The following DHDDS variants were observed in gnomAD, a reference collection of about 807,000 sequenced individuals.
DHDDS encodes the protein dehydrodolichyl diphosphate synthase subunit, also known as dehydrodolichyl diphosphate synthase complex subunit DHDDS.
DHDDS carries 16 observed loss-of-function variants against 46.2 expected under a neutral mutation model. The observed-to-expected ratio is 0.35, with a 90% CI of 0.23 to 0.53. DHDDS has a LOEUF of 0.53. DHDDS is among the 20% of genes least tolerant of loss of function. DHDDS has a pLI of 0.94. For synonymous variants in DHDDS, 151 were observed against 163.1 expected (o/e 0.93, Z 0.56); for missense variants, 340 against 423.7 (o/e 0.80, Z 1.73).
intron 6 of DHDDS, among the ~76,000 whole-genome samples, chr1:26,450,873 T>C (rs1187685219): frequency 1.3e-5 from 2 of 152,202 alleles, no homozygotes; most frequent in African/African-American, 4.8e-5. Flanking sequence ...ATAATGAATA[T>C]GTTTCAAATA....
intron 6 of DHDDS, among the ~76,000 whole-genome samples, chr1:26,456,473 AC>A (rs1382461507): frequency 6.6e-6 from 1 of 151,678 alleles, no homozygotes; most frequent in Non-Finnish European, 1.5e-5. Context: ...GCTTACTGTA[AC>A]CTCCACCTCC....
chr1:26,432,960 G>C lies in DHDDS; in HGVS notation c.15G>C (p.Lys5Asn), dbSNP rs2075118460. 4 of 1,614,206 alleles carry C rather than the reference G, an allele frequency of 2.5e-6. No individual in the cohort carries two copies. Among genetic ancestry groups the C allele is most frequent in the Non-Finnish European group, 3.4e-6 (4 of 1,180,038 alleles). Residue 5 changes from lysine (K) to asparagine (N), a missense_variant, in exon 2 of 9, where the codon AAG becomes AAC. Lys to Asn is a moderately conservative substitution (Grantham distance 94). This residue lies in a region of DHDDS where 72 missense variants were observed against 123.5 expected (regional missense o/e 0.58). Transcript: ENST00000236342. The stretch of plus-strand genomic sequence containing the variant: ...GGAAAAGAACTATGTCATGGATCAA[G>C]GAAGGAGAGCTGTCACTTTGGGAGC... The part of the protein sequence containing the change: MSWI[K>N]EGELSLWERF...
intron 6 of DHDDS, among the ~76,000 whole-genome samples, chr1:26,457,524 C>CA (rs1441999551): frequency 2.9e-5 from 3 of 102,964 alleles, no homozygotes; most frequent in Non-Finnish European, 6.3e-5. Context: ...TCAAAAAAGG[C>CA]AAAAAATAAA....
intron 3 of DHDDS, among the ~76,000 whole-genome samples, chr1:26,442,138 A>C (rs2075224845): frequency 6.6e-6 from 1 of 152,240 alleles, no homozygotes; most frequent in Non-Finnish European, 1.5e-5. Context: ...TAAAGTAGGC[A>C]TGAAAACAGT....
intron 2 of DHDDS, among the ~76,000 whole-genome samples, 179 bp from the exon 3 acceptor site, chr1:26,437,985 TAAAG>T (rs1289630904): frequency 6.6e-6 from 1 of 152,084 alleles, no homozygotes; most frequent in African/African-American, 2.4e-5. Flanking sequence ...TGCCTCAAAA[TAAAG>T]TAAGTAACTA....
At chr1:26,466,140 G>A (rs2075483214) in intron 8 of DHDDS, 1 of 152,178 alleles carries the variant, frequency 6.6e-6, no homozygotes, top group Non-Finnish European at 1.5e-5. Flanking sequence ...TGGAGCCCTT[G>A]CACCAAGATT....
intron 6 of DHDDS, among the ~76,000 whole-genome samples, chr1:26,449,883 T>C (rs2075303540): frequency 1.3e-5 from 2 of 152,136 alleles, no homozygotes; most frequent in Non-Finnish European, 2.9e-5. Flanking sequence ...TTACAGTGGA[T>C]AGTGGTGCCC....
rs755955360 is a variant in DHDDS, at chr1:26,446,177, A to G, written c.324-139A>G. Reference sequence around the variant, plus strand: ...TCTTTCAGAGTTGTTGAAGGGATGCAATGAAATAATGCATGTAGAACAGGG... The same window carrying G: ...TCTTTCAGAGTTGTTGAAGGGATGCGATGAAATAATGCATGTAGAACAGGG... On this transcript the variant is annotated intron_variant, in intron 4 of 8. Transcript: ENST00000236342. The G allele has an allele frequency of 4.6e-5, 30 of 648,038 alleles. No homozygotes were observed. The East Asian group carries it at 8.4e-4, about 18-fold the overall frequency. 40.1% of individuals were successfully genotyped at this position (648,038 alleles called of 1,614,324 possible).
At chr1:26,440,236 A>AT (rs1433580405) in intron 3 of DHDDS, among the ~76,000 whole-genome samples, 1 of 152,166 alleles carries the variant, frequency 6.6e-6, no homozygotes, top group Non-Finnish European at 1.5e-5. Flanking sequence ...GGGCCGTGAT[A>AT]TTTTTTTCCT....
intron 4 of DHDDS, 53 bp from the exon 5 acceptor site, chr1:26,446,262 TC>T: frequency 6.4e-7 from 1 of 1,557,084 alleles, no homozygotes; most frequent in Non-Finnish European, 8.8e-7. Flanking sequence ...AGCACCTTGC[TC>T]TCTCCAGCTC....
intron 6 of DHDDS, chr1:26,454,872 C>A: frequency 1.3e-6 from 2 of 1,592,276 alleles, no homozygotes; most frequent in Non-Finnish European, 1.7e-6. Context: ...ACATTTAAAC[C>A]CTTAAGTTCA....
intron 8 of DHDDS, among the ~76,000 whole-genome samples, chr1:26,464,224 C>G (rs1433136863): frequency 6.6e-6 from 1 of 151,970 alleles, no homozygotes. Flanking sequence ...AAATCCTGAC[C>G]TCAGGTGATC....
intron 6 of DHDDS, chr1:26,455,007 G>A (rs770939337): frequency 9.4e-6 from 13 of 1,386,856 alleles, no homozygotes; most frequent in Admixed American, 3.4e-5. Context: ...TTGTAACGTC[G>A]GAATGGTACG....
At chr1:26,445,627 C>T (rs571454281) in intron 4 of DHDDS, among the ~76,000 whole-genome samples, 2 of 152,008 alleles carry the variant, frequency 1.3e-5, no homozygotes, top group East Asian at 3.9e-4. Flanking sequence ...GCAGGAGGAT[C>T]GCTTGAGCCC....
At chr1:26,468,404 G>A (rs2075515251) in intron 8 of DHDDS, among the ~76,000 whole-genome samples, 1 of 152,148 alleles carries the variant, frequency 6.6e-6, no homozygotes, top group Non-Finnish European at 1.5e-5. Context: ...TCTTGCAGCG[G>A]AGAATAGACA....
intron 6 of DHDDS, among the ~76,000 whole-genome samples, chr1:26,451,404 A>ATGTGTGTGTGTGTGTGTGTG (rs35376620): frequency 2.2e-5 from 3 of 135,954 alleles, no homozygotes; most frequent in Admixed American, 1.5e-4. Flanking sequence ...ATGTATGTAG[A>ATGTGTGTGTGTGTGTGTGTG]TGTGTGTGTG....
chr1:26,451,722 G>A (rs576953564), intron 6 of DHDDS, among the ~76,000 whole-genome samples: 9 of 150,390 alleles, frequency 6.0e-5, no homozygotes, highest in Non-Finnish European at 7.4e-5. Context: ...TCTGCCTCCC[G>A]GGTTCACGCC....
intron 4 of DHDDS, among the ~76,000 whole-genome samples, chr1:26,443,414 T>C (rs921482750): frequency 1.3e-5 from 2 of 152,124 alleles, no homozygotes; most frequent in African/African-American, 4.8e-5. Flanking sequence ...TTGGGAGGGA[T>C]AGGATGATGC....
At chr1:26,463,992 CTTTTTTTTTTTT>C (rs60149042) in intron 8 of DHDDS, among the ~76,000 whole-genome samples, 2 of 93,768 alleles carry the variant, frequency 2.1e-5, no homozygotes, top group Admixed American at 2.7e-4. Context: ...TATTTGCAAA[CTTTTTTTTTTTT>C]TTTTTTTTTT....
Sources: allele counts gnomAD v4.1 joint callset (sites outside exome capture counted in the v4.1 genomes callset), GRCh38; gene constraint gnomAD v4.1.1; regional missense constraint gnomAD v4.1.1; transcripts MANE v1.5; gene names NCBI Gene and HGNC (gene_info 2026-07-23, HGNC 2026-07-21).